DYSF: variants seen among roughly 807,000 people sequenced by gnomAD.
DYSF encodes the protein dystrophy-associated fer-1-like 1.
Under a neutral mutation model 274.9 loss-of-function variants are expected in DYSF, and 212 were observed. That is an observed-to-expected ratio of 0.77 (90% CI 0.69 to 0.86). The LOEUF is 0.86. Among genes scored for constraint, DYSF ranks in the 40% least tolerant of loss-of-function variants. The pLI is 0.00. For synonymous variants in DYSF, 1,091 were observed against 1,078.7 expected, an observed-to-expected ratio of 1.01 and a Z score of -0.22; for missense variants, 2,666 against 2,783.2, an observed-to-expected ratio of 0.96 and a Z score of 0.95.
intron 41 of DYSF, among the ~76,000 whole-genome samples, chr2:71,636,578 T>A (rs1225784985): frequency 6.6e-6 from 1 of 152,048 alleles, no homozygotes; most frequent in East Asian, 1.9e-4. Flanking sequence ...GGCAGGGATG[T>A]TCAGAGATAG....
At chr2:71,492,539 G>A (rs1017114872) in intron 3 of DYSF, among the ~76,000 whole-genome samples, 2 of 152,012 alleles carry the variant, frequency 1.3e-5, no homozygotes, top group African/African-American at 2.4e-5. Flanking sequence ...ATGGATACAT[G>A]GTAACCCTTC....
At chr2:71,636,633 A>G (rs903412779) in intron 41 of DYSF, among the ~76,000 whole-genome samples, 8 of 152,112 alleles carry the variant, frequency 5.3e-5, no homozygotes, top group African/African-American at 1.9e-4. Context: ...GTCCAGTGGG[A>G]GATGTCACAT....
chr2:71,456,312 G>T (rs576162878), intron 1 of DYSF, among the ~76,000 whole-genome samples: 6 of 152,270 alleles, frequency 3.9e-5, no homozygotes, highest in African/African-American at 1.4e-4. Flanking sequence ...CAGTCCTGGG[G>T]AATGCAGTCC....
chr2:71,639,791 C>T (rs1558696506), intron 41 of DYSF, among the ~76,000 whole-genome samples: 4 of 152,188 alleles, frequency 2.6e-5, no homozygotes, highest in Admixed American at 2.6e-4. Flanking sequence ...GCTATGGAAA[C>T]GTGCAGCCAG....
At chr2:71,639,937 C>T (rs756216881) in intron 41 of DYSF, among the ~76,000 whole-genome samples, 8 of 152,332 alleles carry the variant, frequency 5.3e-5, no homozygotes, top group African/African-American at 1.4e-4. Flanking sequence ...TAAACACTTA[C>T]GTTGCATTTA....
chr2:71,635,505 T>G (rs867814402), intron 41 of DYSF, among the ~76,000 whole-genome samples: 1 of 152,110 alleles, frequency 6.6e-6, no homozygotes, highest in Non-Finnish European at 1.5e-5. Context: ...CCCAGCACTT[T>G]GGGAGGCAGA....
chr2:71,533,617 G>A (rs1436045795), intron 14 of DYSF, among the ~76,000 whole-genome samples: 1 of 152,218 alleles, frequency 6.6e-6, no homozygotes, highest in Non-Finnish European at 1.5e-5. Flanking sequence ...TATTTCTGTA[G>A]GATGGGTGTC....
chr2:71,579,589 A>G (rs17040304), intron 30 of DYSF, among the ~76,000 whole-genome samples: 5,058 of 152,184 alleles, frequency 0.033, 296 homozygotes, highest in African/African-American at 0.11. Flanking sequence ...CCACGTGCTA[A>G]AAACCAGGCT....
chr2:71,592,628 G>T (rs1044381509), intron 32 of DYSF, among the ~76,000 whole-genome samples: 1 of 152,366 alleles, frequency 6.6e-6, no homozygotes, highest in Middle Eastern at 3.4e-3. Flanking sequence ...TGGGGCCAGG[G>T]GAGGGCCTGG....
At chr2:71,684,588 T>C (rs1421808218) in intron 55 of DYSF, among the ~76,000 whole-genome samples, 1 of 152,154 alleles carries the variant, frequency 6.6e-6, no homozygotes, top group Non-Finnish European at 1.5e-5. Flanking sequence ...CAAATGCTCT[T>C]TTGGGAGGCT....
rs549197722 is a variant in DYSF at position 71,680,971 on chromosome 2, C to T, written c.6064-30C>T. ...CAGGCCACTGAGCAGAGCCTTCGTG[C>T]CCCTAACCAAGTGCTCTCTGTCCCC... On this transcript the variant is annotated intron_variant, in intron 53 of 55. Coordinates refer to ENST00000410020, the MANE Select transcript of DYSF (RefSeq NM_001130987.2). 3.6e-5 allele frequency: 57 copies of T among 1,603,270 alleles called. 1 individual carries two copies. In the South Asian group the frequency reaches 6.0e-4, roughly 17 times the overall value.
exon 1 of DYSF, chr2:71,454,036 A>G: frequency 6.2e-7 from 1 of 1,614,114 alleles, no homozygotes; most frequent in Non-Finnish European, 8.5e-7. Flanking sequence ...GAGAACGTCC[A>G]CACACCCGAC....
At position 71,583,044 on chromosome 2, in the gene DYSF, A is replaced by AC. The variant is rs1491198609; in HGVS notation, c.3403-6549_3403-6548insC. On this transcript the variant is annotated intron_variant, in intron 30 of 55. Transcript: ENST00000410020. ...GGGTGACAGAGCAAGACTCCATCTC[A>AC]AAAAAAAAAAAAAAAAAAAAAAAAA... 3.1e-4 allele frequency among the ~76,000 whole-genome samples: 12 copies of AC among 38,222 alleles called. No individual in the cohort carries two copies. The Admixed American group carries it at 4.0e-3, about 13-fold the overall frequency. The allele number at this position is 38,222 out of a possible 152,430, so 25.1% of individuals were successfully genotyped here. A position where few individuals can be genotyped will look rare whatever the true frequency, so the allele number is the denominator to read the frequency against.
intron 35 of DYSF, 70 bp downstream of exon 35, chr2:71,601,598 G>C: frequency 6.2e-7 from 1 of 1,602,460 alleles, no homozygotes; most frequent in Non-Finnish European, 8.6e-7. Flanking sequence ...ATCTCTCTGG[G>C]TTAGGAAGGG....
intron 27 of DYSF, 138 bp from the exon 28 acceptor site, chr2:71,570,091 G>T (rs1274702805): frequency 1.9e-6 from 2 of 1,059,970 alleles, no homozygotes; most frequent in Non-Finnish European, 2.9e-6. Flanking sequence ...GTGCAGTGGT[G>T]GCAGGACACT....
chr2:71,469,687 T>C (rs2081830578), intron 1 of DYSF, among the ~76,000 whole-genome samples: 1 of 152,186 alleles, frequency 6.6e-6, no homozygotes, highest in African/African-American at 2.4e-5. Context: ...TTTTTTGGCT[T>C]CCCTGTCTAA....
intron 42 of DYSF, among the ~76,000 whole-genome samples, chr2:71,645,603 G>T (rs978497381): frequency 1.3e-5 from 2 of 150,002 alleles, no homozygotes; most frequent in South Asian, 4.2e-4. Flanking sequence ...GGGAAATGCA[G>T]CATTTGGGCA....
intron 13 of DYSF, among the ~76,000 whole-genome samples, chr2:71,526,810 T>C (rs1327971270): frequency 6.6e-6 from 1 of 152,216 alleles, no homozygotes; most frequent in Non-Finnish European, 1.5e-5. Flanking sequence ...AGGACACAGA[T>C]CCACAAGGTG....
intron 1 of DYSF, among the ~76,000 whole-genome samples, chr2:71,457,433 C>T (rs139425503): frequency 6.6e-6 from 1 of 152,280 alleles, no homozygotes; most frequent in African/African-American, 2.4e-5. Context: ...CCAGCTTTAA[C>T]CACTCTGCTA....
Sources: gnomAD v4.1 joint callset for allele counts (sites outside exome capture counted in the v4.1 genomes callset) on GRCh38, gnomAD v4.1.1 for gene constraint, MANE v1.5 for transcripts, NCBI Gene and HGNC (gene_info 2026-07-23, HGNC 2026-07-21) for gene names.